Variants in DPEP1 observed in about 807,000 individuals in gnomAD.
The protein encoded by DPEP1 is beta-lactamase.
In DPEP1, 50 loss-of-function variants were observed where a neutral mutation model predicts 42.3. The ratio of observed to expected loss-of-function variants is 1.18; its 90% CI spans 0.94 to 1.50. The LOEUF is 1.50. Among genes scored for constraint, DPEP1 ranks in the 40% most tolerant of loss-of-function variants. The probability of loss-of-function intolerance (pLI) is 0.00; values close to 1 mark genes in which losing one functional copy is unlikely to be tolerated. For synonymous variants in DPEP1, 297 were observed against 234.0 expected (o/e 1.27, Z -2.46); for missense variants, 663 against 553.0 (o/e 1.20, Z -1.99).
At chr16:89,633,285 C>T (rs1034206451) in intron 2 of DPEP1, among the ~76,000 whole-genome samples, 1 of 152,238 alleles carries the variant, frequency 6.6e-6, no homozygotes, top group African/African-American at 2.4e-5. Context: ...CATGTGGACT[C>T]GCTGTGGCCA....
intron 1 of DPEP1, among the ~76,000 whole-genome samples, chr16:89,622,731 C>T (rs576913269): frequency 6.6e-6 from 1 of 151,550 alleles, no homozygotes; most frequent in Non-Finnish European, 1.5e-5. Flanking sequence ...TTGCAGTGAG[C>T]CGAGATCGCG....
chr16:89,635,205 C>T (rs1295384655), intron 2 of DPEP1, among the ~76,000 whole-genome samples: 1 of 144,528 alleles, frequency 6.9e-6, no homozygotes, highest in Admixed American at 6.8e-5. Flanking sequence ...CTCCTTTCCC[C>T]TTCCTTCTCC....
chr16:89,635,981 A>G lies in DPEP1; in HGVS notation c.178A>G (p.Thr60Ala), dbSNP rs777278311. Residue 60 changes from threonine to alanine, a missense_variant, in exon 3 of 11, where the codon ACC becomes GCC. Transcript: ENST00000690203. ...GCAGGACGAGAGGGCCAACCTGACC[A>G]CCTTGGCCGGCACACACACCAACAT... ...RLQDERANLT[T>A]LAGTHTNIPK... 26 of 1,611,976 alleles carry G rather than the reference A, an allele frequency of 1.6e-5. 1 individual carries two copies. In the African/African-American group the frequency reaches 3.2e-4, roughly 20 times the overall value.
chr16:89,639,615 C>G (rs991505138), downstream of DPEP1, among the ~76,000 whole-genome samples: 1 of 151,254 alleles, frequency 6.6e-6, no homozygotes, highest in African/African-American at 2.4e-5. Flanking sequence ...CGCACACCCC[C>G]TGCACCTGCT....
Position 89,636,368 on chromosome 16 carries a change from G to A in DPEP1, c.342G>A (p.Glu114=). ...ACCGCATGTGCCGGATGTACCCGGA[G>A]ACCTTCCTGTATGTCACCAGCAGTG... ...VVHRMCRMYP[E]TFLYVTSSAG... Residue 114 remains glutamate, a synonymous_variant, in exon 4 of 11, where the codon GAG becomes GAA. Transcript: ENST00000690203. 6.2e-7 allele frequency: 1 copy of A among 1,612,544 alleles called. No individual in the cohort carries two copies. Among genetic ancestry groups the A allele is most frequent in the Middle Eastern group, 1.7e-4 (1 of 6,060 alleles).
At position 89,636,580 on chromosome 16, in the gene DPEP1, G is replaced by C; in HGVS notation, c.418G>C (p.Val140Leu). 6.2e-7 allele frequency: 1 copy of C among 1,612,484 alleles called. No individual in the cohort carries two copies. Among genetic ancestry groups the C allele is most frequent in the Non-Finnish European group, 8.5e-7 (1 of 1,179,858 alleles). The change falls in exon 5 of 11, where the codon GTG (valine) becomes CTG (leucine). Residue 140 changes from valine (V) to leucine (L), a missense_variant. Transcript: ENST00000690203. Reference sequence around the variant, plus strand: ...AGGGAAGGTGGCCAGCCTGATCGGCGTGGAGGGCGGCCACTCCATTGACAG... The same window carrying C: ...AGGGAAGGTGGCCAGCCTGATCGGCCTGGAGGGCGGCCACTCCATTGACAG... ...REGKVASLIG[V>L]EGGHSIDSSL...
intron 1 of DPEP1, among the ~76,000 whole-genome samples, chr16:89,616,259 C>T (rs992969224): frequency 6.6e-6 from 1 of 152,040 alleles, no homozygotes; most frequent in Non-Finnish European, 1.5e-5. Flanking sequence ...CCAGTGTCGA[C>T]GAAACAGGAG....
chr16:89,638,001 CCCA>C, intron 10 of DPEP1, 30 bp downstream of exon 10: 2 of 1,608,166 alleles, frequency 1.2e-6, no homozygotes, highest in Non-Finnish European at 1.7e-6. Context: ...CTGAGTCTCC[CCCA>C]CCACCACCAG....
chr16:89,623,693 A>G (rs2059472966), intron 1 of DPEP1, among the ~76,000 whole-genome samples: 1 of 152,082 alleles, frequency 6.6e-6, no homozygotes, highest in African/African-American at 2.4e-5. Flanking sequence ...GCTGGGAGAC[A>G]AAACAGAGGA....
At chr16:89,618,237 GA>G (rs2059401225) in intron 1 of DPEP1, among the ~76,000 whole-genome samples, 1 of 152,074 alleles carries the variant, frequency 6.6e-6, no homozygotes, top group Admixed American at 6.5e-5. Context: ...TATCCATCTT[GA>G]CAAGGTCTTG....
chr16:89,629,140 A>G (rs2059552603), intron 1 of DPEP1, among the ~76,000 whole-genome samples: 1 of 152,130 alleles, frequency 6.6e-6, no homozygotes, highest in African/African-American at 2.4e-5. Flanking sequence ...TTAAAGTTTT[A>G]TACTTTGTTC....
chr16:89,616,815 G>A (rs1228318310), intron 1 of DPEP1: 2 of 263,914 alleles, frequency 7.6e-6, no homozygotes, highest in Non-Finnish European at 1.5e-5. Context: ...GCAGAAAGCG[G>A]CCAGGAAGTG....
intron 1 of DPEP1, among the ~76,000 whole-genome samples, chr16:89,622,116 A>G (rs1466652858): frequency 6.6e-6 from 1 of 152,028 alleles, no homozygotes; most frequent in Admixed American, 6.6e-5. Flanking sequence ...ATCTCTGGAG[A>G]TGGACCCAGG....
At chr16:89,641,377 C>T (rs998359594), downstream of DPEP1, among the ~76,000 whole-genome samples, 1 of 152,204 alleles carries the variant, frequency 6.6e-6, no homozygotes, top group Non-Finnish European at 1.5e-5. Flanking sequence ...AAGGAGCCCT[C>T]TAGTGGCCCT....
chr16:89,614,120 G>A (rs905757682), intron 1 of DPEP1, among the ~76,000 whole-genome samples: 4 of 152,000 alleles, frequency 2.6e-5, no homozygotes, highest in Admixed American at 6.6e-5. Flanking sequence ...CAGGGGACGC[G>A]GCGGCTTCCT....
intron 2 of DPEP1, among the ~76,000 whole-genome samples, chr16:89,635,379 G>T (rs182343803): frequency 0.014 from 2,202 of 151,990 alleles, 49 homozygotes; most frequent in African/African-American, 0.051. Context: ...GAGAGGCCTG[G>T]GTAGCCCCCA....
intron 5 of DPEP1, 87 bp from the exon 6 acceptor site, chr16:89,636,779 G>T: frequency 6.2e-7 from 1 of 1,601,618 alleles, no homozygotes; most frequent in Non-Finnish European, 8.5e-7. Flanking sequence ...CTCTGCCTGT[G>T]AGTCCCAGGC....
In DPEP1 at chr16:89,635,893, C is replaced by T. The variant is rs759459225; in HGVS notation, c.105-15C>T. On this transcript the variant is annotated splice_polypyrimidine_tract_variant and intron_variant, in intron 2 of 10. Transcript: ENST00000690203. The stretch of plus-strand genomic sequence containing the variant: ...GGCCGCCCTGACTGCCTGGCCTCTC[C>T]CCGGCAAACTCCAGGCACAATGACC... 3.5e-5 allele frequency: 55 copies of T among 1,583,252 alleles called. No homozygotes were observed. Among genetic ancestry groups the T allele is most frequent in the Non-Finnish European group, 4.7e-5 (55 of 1,164,388 alleles).
intron 1 of DPEP1, among the ~76,000 whole-genome samples, chr16:89,616,673 G>A (rs1433584110): frequency 6.6e-6 from 1 of 152,228 alleles, no homozygotes; most frequent in East Asian, 1.9e-4. Context: ...AGATTGGGAC[G>A]GCTGGGCCTT....
Sources: gnomAD v4.1 joint callset for allele counts (sites outside exome capture counted in the v4.1 genomes callset) on GRCh38, gnomAD v4.1.1 for gene constraint, MANE v1.5 for transcripts, NCBI Gene and HGNC (gene_info 2026-07-23, HGNC 2026-07-21) for gene names.